The following PRKAG1 variants were observed in gnomAD, a reference collection of about 807,000 sequenced individuals.
PRKAG1 encodes 5'-AMP-activated protein kinase subunit gamma-1.
PRKAG1 carries 27 observed loss-of-function variants against 48.2 expected under a neutral mutation model. That is an observed-to-expected ratio of 0.56 (90% confidence interval 0.41 to 0.77). PRKAG1 has a LOEUF of 0.77. Ranked by LOEUF, PRKAG1 falls within the 30% of genes least tolerant of loss-of-function variation. The pLI, the probability that PRKAG1 is intolerant of heterozygous loss-of-function variation, is 0.00. For missense variants in PRKAG1, 287 were observed against 398.3 expected (o/e 0.72, Z 2.38); for synonymous variants, 130 against 147.7 (o/e 0.88, Z 0.87).
chr12:49,015,168 T>C (rs1414962136), intron 1 of PRKAG1, among the ~76,000 whole-genome samples: 1 of 152,156 alleles, frequency 6.6e-6, no homozygotes, highest in Admixed American at 6.5e-5. Flanking sequence ...AACAACAGCC[T>C]CATCACTTAT....
In PRKAG1 at chr12:49,002,987, A is replaced by C; in HGVS notation, c.908T>G (p.Val303Gly). The C allele has an allele frequency of 6.2e-7, 1 of 1,614,196 alleles. No homozygotes were observed. Among genetic ancestry groups the C allele is most frequent in the Non-Finnish European group, 8.5e-7 (1 of 1,180,036 alleles). The change falls in exon 12 of 12, where the codon GTG becomes GGG. Residue 303 changes from valine (V) to glycine (G), a missense_variant. This residue lies in a region of PRKAG1 where 224 missense variants were observed against 344.3 expected (regional missense o/e 0.65). Transcript: ENST00000548065. Reference protein sequence around the residue: ...VEAEVHRLVVVDENDVVKGIV... With the variant: ...VEAEVHRLVVGDENDVVKGIV... ...TCCCTTGACCACATCATTTTCATCC[A>C]CCACTACAAGTCGGTGAACCTGGCA... is the stretch of plus-strand genomic sequence containing the variant.
intron 2 of PRKAG1, 156 bp downstream of exon 2, chr12:49,012,906 A>G (rs1338102667): frequency 3.0e-6 from 2 of 677,064 alleles, no homozygotes; most frequent in East Asian, 5.3e-5. Flanking sequence ...TTCCTGGGTG[A>G]TCTTGCCAAA....
At position 49,015,787 on chromosome 12, in the gene PRKAG1, AG is replaced by A. The variant is rs756702603; in HGVS notation, c.10-2678del. Among the ~76,000 whole-genome samples the A allele has an allele frequency of 3.9e-5, 6 of 152,100 alleles. No homozygotes were observed. The South Asian group carries it at 1.2e-3, about 32-fold the overall frequency. ...GAGACGGGGTTTCACTATGTTGGCCAGGCTGGTCTTAAACTCCTGACCTCGT... is the reference window on the plus strand; with the variant it reads ...GAGACGGGGTTTCACTATGTTGGCCAGCTGGTCTTAAACTCCTGACCTCGT... On this transcript the variant is annotated intron_variant, in intron 1 of 11. Coordinates refer to ENST00000548065, the MANE Select transcript of PRKAG1 (RefSeq NM_002733.5).
intron 1 of PRKAG1, among the ~76,000 whole-genome samples, chr12:49,015,474 GAT>G (rs1438077408): frequency 2.0e-5 from 3 of 152,334 alleles, no homozygotes; most frequent in Middle Eastern, 6.8e-3. Context: ...GATATGAACA[GAT>G]ATGCCCAAGA....
chr12:49,010,136 G>A (rs948450176), intron 2 of PRKAG1, among the ~76,000 whole-genome samples: 2 of 151,972 alleles, frequency 1.3e-5, no homozygotes, highest in African/African-American at 2.4e-5. Flanking sequence ...TAAAACAAAG[G>A]TACATTCCAG....
At chr12:49,009,610 G>A (rs1367236513) in intron 2 of PRKAG1, among the ~76,000 whole-genome samples, 1 of 151,838 alleles carries the variant, frequency 6.6e-6, no homozygotes, top group East Asian at 1.9e-4. Flanking sequence ...GTTTTTTGTT[G>A]TTGTTGTTTT....
intron 2 of PRKAG1, among the ~76,000 whole-genome samples, chr12:49,011,632 A>C (rs1941765274): frequency 2.0e-5 from 3 of 152,094 alleles, no homozygotes; most frequent in African/African-American, 7.2e-5. Context: ...GCTCACTGCA[A>C]CAAAATCTGC....
Position 49,005,059 on chromosome 12 carries a change from A to G in PRKAG1, c.356-41T>C. 4.3e-6 allele frequency: 7 copies of G among 1,613,424 alleles called. No homozygotes were observed. Among genetic ancestry groups the G allele is most frequent in the Non-Finnish European group, 5.9e-6 (7 of 1,179,476 alleles). On this transcript the variant is annotated intron_variant, in intron 6 of 11. Coordinates refer to ENST00000548065, the MANE Select transcript of PRKAG1 (RefSeq NM_002733.5). This position sits in a 1 kb window ranked among gnomAD's most constrained non-coding sequence, Gnocchi z 4.1. Reference sequence around the variant, plus strand: ...ATGGGTCACAAAATACCACCATGGAAAAGTGTTTCCCAGAAACCCGCCATC... The same window carrying G: ...ATGGGTCACAAAATACCACCATGGAGAAGTGTTTCCCAGAAACCCGCCATC...
Position 49,002,551 on chromosome 12 carries a change from A to G in PRKAG1, c.*348T>C, listed in dbSNP as rs2137646997. 3 of 399,142 alleles carry G rather than the reference A, an allele frequency of 7.5e-6. No homozygotes were observed. The highest frequency in any genetic ancestry group is 9.5e-6 in the Non-Finnish European group (2 of 210,170). 24.7% of individuals were successfully genotyped at this position (399,142 alleles called of 1,614,324 possible). A position where few individuals can be genotyped will look rare whatever the true frequency, so the allele number is the denominator to read the frequency against. On this transcript the variant is annotated 3_prime_UTR_variant, in exon 12 of 12. Coordinates refer to ENST00000548065, the MANE Select transcript of PRKAG1 (RefSeq NM_002733.5). ...ATTATCTTAGGGTTGAATCAGGGCC[A>G]AGATGGAGGCAGAGGCAAGTGAGGT...
At chr12:49,010,011 T>C (rs537663910) in intron 2 of PRKAG1, among the ~76,000 whole-genome samples, 6 of 152,372 alleles carry the variant, frequency 3.9e-5, no homozygotes, top group African/African-American at 1.4e-4. Flanking sequence ...TTCTCATCTT[T>C]TCCTTCCAGT....
intron 7 of PRKAG1, 45 bp from the exon 8 acceptor site, chr12:49,004,678 G>C (rs1310559255): frequency 6.2e-7 from 1 of 1,613,306 alleles, no homozygotes; most frequent in African/African-American, 1.3e-5. Context: ...GCTGGGGCTG[G>C]GGGTGATTAA....
intron 2 of PRKAG1, among the ~76,000 whole-genome samples, chr12:49,007,012 G>A (rs113424427): frequency 2.0e-5 from 3 of 151,426 alleles, no homozygotes. Flanking sequence ...TTGGCTGGGC[G>A]TGGTGGCTCA....
At chr12:49,018,611 C>A in intron 1 of PRKAG1, 121 bp downstream of exon 1, 5 of 1,578,508 alleles carry the variant, frequency 3.2e-6, no homozygotes, top group African/African-American at 1.4e-5. Flanking sequence ...GGCAGACACC[C>A]GGCTGCTTTT....
In PRKAG1 at chr12:49,005,755, A is replaced by T. The variant is rs1328746811; in HGVS notation, c.156T>A (p.Asp52Glu). 6.2e-7 allele frequency: 1 copy of T among 1,613,958 alleles called. No individual in the cohort carries two copies. Residue 52 changes from aspartate (D) to glutamate (E), a missense_variant, in exon 3 of 12, where the codon GAT becomes GAA. By Grantham distance (45) the Asp-to-Glu change is conservative. This residue lies in a region of PRKAG1 where 224 missense variants were observed against 344.3 expected (regional missense o/e 0.65). Transcript: ENST00000548065. This position sits in a 1 kb window ranked among gnomAD's most constrained non-coding sequence, Gnocchi z 4.1. ...IPTSSKLVVF[D>E]TSLQVKKAFF... ...GGATTTCACCCACCTGCAGGGACGT[A>T]TCAAATACAACCAATTTGGAGCTTG... is the stretch of plus-strand genomic sequence containing the variant.
intron 1 of PRKAG1, among the ~76,000 whole-genome samples, chr12:49,014,808 C>G (rs923618880): frequency 5.9e-5 from 9 of 152,202 alleles, no homozygotes. Flanking sequence ...TTTCTGTGCT[C>G]CCTCAAGTGG....
rs1329147968 is a variant in PRKAG1, at chr12:49,018,766, C to G, written c.-26G>C. On this transcript the variant is annotated 5_prime_UTR_variant, in exon 1 of 12. Coordinates refer to ENST00000548065, the MANE Select transcript of PRKAG1 (RefSeq NM_002733.5). ...TGCAAGAGGCGCCCGGCTTGGTTTC[C>G]TCGCTTTAGGAAACTCTCTTGGGGC... 1 of 1,612,396 alleles carries G rather than the reference C, an allele frequency of 6.2e-7. No individual in the cohort carries two copies. The highest frequency in any genetic ancestry group is 8.5e-7 in the Non-Finnish European group (1 of 1,179,926).
Position 49,013,243 on chromosome 12 carries a change from C to CTTT in PRKAG1, c.10-136_10-134dup, listed in dbSNP as rs111248062. 5 of 643,814 alleles carry CTTT rather than the reference C, an allele frequency of 7.8e-6. No individual in the cohort carries two copies. In the African/African-American group the frequency reaches 9.6e-5, roughly 12 times the overall value. The allele number at this position is 643,814 out of a possible 1,614,324, so 39.9% of individuals were successfully genotyped here. A position where few individuals can be genotyped will look rare whatever the true frequency, so the allele number is the denominator to read the frequency against. On this transcript the variant is annotated intron_variant, in intron 1 of 11. Transcript: ENST00000548065. ...ATAAAGCCACTGCCCCCGCCAAACC[C>CTTT]TTTTTTTTTTGTTTTTGAGACAAGG... is the stretch of plus-strand genomic sequence containing the variant.
chr12:49,013,137 C>T, intron 1 of PRKAG1, 27 bp from the exon 2 acceptor site: 1 of 1,603,164 alleles, frequency 6.2e-7, no homozygotes, highest in South Asian at 1.1e-5. Context: ...ACAGATTCAG[C>T]TTAACCTGGT....
chr12:49,006,457 C>T (rs918622290), intron 2 of PRKAG1, among the ~76,000 whole-genome samples: 1 of 152,136 alleles, frequency 6.6e-6, no homozygotes, highest in Non-Finnish European at 1.5e-5. Flanking sequence ...TAAGTTGGAG[C>T]CCAGTGCTCA....
Sources: gnomAD v4.1 joint callset for allele counts (sites outside exome capture counted in the v4.1 genomes callset) on GRCh38, gnomAD v4.1.1 for gene constraint, gnomAD v4.1.1 regional missense constraint, Gnocchi (gnomAD v3.1) non-coding constraint, MANE v1.5 for transcripts, NCBI Gene and HGNC (gene_info 2026-07-23, HGNC 2026-07-21) for gene names.